Variants in SGCZ observed in about 807,000 individuals in gnomAD.
SGCZ encodes the protein sarcoglycan zeta.
In SGCZ, 40 loss-of-function variants were observed where a neutral mutation model predicts 41.3. The observed-to-expected ratio is 0.97, with a 90% CI of 0.75 to 1.26. The LOEUF is 1.26. SGCZ is among the 50% of genes most tolerant of loss of function. The pLI, the probability that SGCZ is intolerant of heterozygous loss-of-function variation, is 0.00. For missense variants in SGCZ, 552 were observed against 369.8 expected (o/e 1.49, Z -4.04); for synonymous variants, 206 against 137.5 (o/e 1.50, Z -3.49).
chr8:15,231,885 GT>G (rs1324502986), intron 1 of SGCZ, among the ~76,000 whole-genome samples: 1 of 152,120 alleles, frequency 6.6e-6, no homozygotes, highest in African/African-American at 2.4e-5. Context: ...GCCTTCCAAA[GT>G]GTTGGGATTA....
chr8:14,963,845 GT>G (rs1262878819), intron 1 of SGCZ, among the ~76,000 whole-genome samples: 1 of 152,026 alleles, frequency 6.6e-6, no homozygotes, highest in East Asian at 1.9e-4. Flanking sequence ...CAACCCCAAA[GT>G]TTCACGCTTT....
At chr8:14,728,063 A>AT (rs1421521794) in intron 1 of SGCZ, among the ~76,000 whole-genome samples, 2 of 152,198 alleles carry the variant, frequency 1.3e-5, no homozygotes, top group African/African-American at 4.8e-5. Flanking sequence ...ATCTACGGTG[A>AT]TAAAAATCAG....
At position 14,258,164 on chromosome 8, in the gene SGCZ, T is replaced by C. The variant is rs77980972; in HGVS notation, c.337-20485A>G. 7.6e-4 allele frequency among the ~76,000 whole-genome samples: 116 copies of C among 152,304 alleles called. 6 individuals carry two copies. The East Asian group carries it at 0.02, about 27-fold the overall frequency. ...AAGTATTATATGCTAAAAGAGAATATAGATACTAAACAATCAGTTTTATAT... is the reference window on the plus strand; with the variant it reads ...AAGTATTATATGCTAAAAGAGAATACAGATACTAAACAATCAGTTTTATAT... On this transcript the variant is annotated intron_variant, in intron 3 of 7. Coordinates refer to ENST00000382080, the MANE Select transcript of SGCZ (RefSeq NM_139167.4).
chr8:14,129,435 A>G (rs951517647), intron 5 of SGCZ, among the ~76,000 whole-genome samples: 5 of 151,616 alleles, frequency 3.3e-5, no homozygotes, highest in African/African-American at 1.2e-4. Flanking sequence ...AGACTGAAAA[A>G]TCCATAAACA....
chr8:14,537,215 A>G (rs532446065), intron 2 of SGCZ, among the ~76,000 whole-genome samples: 2 of 152,046 alleles, frequency 1.3e-5, no homozygotes, highest in African/African-American at 2.4e-5. Flanking sequence ...GACTCTCATT[A>G]TAACTAATTT....
intron 1 of SGCZ, among the ~76,000 whole-genome samples, chr8:14,979,091 A>G (rs557674784): frequency 6.6e-6 from 1 of 152,216 alleles, no homozygotes; most frequent in African/African-American, 2.4e-5. Flanking sequence ...GAGCCACCAC[A>G]CTCAGCCAAG....
chr8:14,416,404 A>G (rs1476313525), intron 2 of SGCZ, among the ~76,000 whole-genome samples: 1 of 151,912 alleles, frequency 6.6e-6, no homozygotes, highest in African/African-American at 2.4e-5. Context: ...TATTAGGAGT[A>G]TAAGCAAGAT....
At chr8:15,209,301 A>G (rs1801166055) in intron 1 of SGCZ, among the ~76,000 whole-genome samples, 1 of 152,118 alleles carries the variant, frequency 6.6e-6, no homozygotes, top group African/African-American at 2.4e-5. Flanking sequence ...TGTCGTTAGA[A>G]GAGAATTCTC....
chr8:14,637,393 G>C (rs115544600), intron 1 of SGCZ, among the ~76,000 whole-genome samples: 2 of 151,268 alleles, frequency 1.3e-5, no homozygotes, highest in South Asian at 2.1e-4. Flanking sequence ...GTGATGCTGC[G>C]GTTTGGAGCA....
intron 1 of SGCZ, among the ~76,000 whole-genome samples, chr8:15,022,897 A>T (rs777027464): frequency 7.9e-5 from 12 of 152,216 alleles, no homozygotes; most frequent in Non-Finnish European, 1.8e-4. Flanking sequence ...AGTTTAAGTA[A>T]CGTACGTTTC....
At chr8:15,066,135 C>A (rs1018631930) in intron 1 of SGCZ, among the ~76,000 whole-genome samples, 1 of 151,328 alleles carries the variant, frequency 6.6e-6, no homozygotes, top group African/African-American at 2.4e-5. Context: ...GGTGAAACCC[C>A]GTCTCTACCA....
chr8:14,712,473 C>T (rs1809551982), intron 1 of SGCZ, among the ~76,000 whole-genome samples: 3 of 152,202 alleles, frequency 2.0e-5, no homozygotes, highest in African/African-American at 7.2e-5. Context: ...TTATTCAGGA[C>T]TGTCATTAGC....
chr8:15,124,641 C>T (rs1807610309), intron 1 of SGCZ, among the ~76,000 whole-genome samples: 1 of 152,274 alleles, frequency 6.6e-6, no homozygotes, highest in Non-Finnish European at 1.5e-5. Flanking sequence ...ATCCAAGCTC[C>T]TGATTCTCCT....
intron 1 of SGCZ, among the ~76,000 whole-genome samples, chr8:14,687,946 T>C (rs1370931391): frequency 6.6e-6 from 1 of 152,242 alleles, no homozygotes; most frequent in Non-Finnish European, 1.5e-5. Flanking sequence ...TGATAGACTG[T>C]AATGGTGAGC....
Position 14,551,530 on chromosome 8 carries a change from T to TC in SGCZ, c.234+3201_234+3202insG, listed in dbSNP as rs1803839500. Among the ~76,000 whole-genome samples, 4 of 4,006 alleles carry TC rather than the reference T, an allele frequency of 1.0e-3. 2 individuals are homozygous for TC. Among genetic ancestry groups the TC allele is most frequent in the Non-Finnish European group, 1.8e-3 (4 of 2,206 alleles). 2.6% of individuals were successfully genotyped at this position (4,006 alleles called of 152,430 possible). A position where few individuals can be genotyped will look rare whatever the true frequency, so the allele number is the denominator to read the frequency against. ...TATTATATATATTATATATAATATA[T>TC]ATAATATATATAATATATATAATAT... On this transcript the variant is annotated intron_variant, in intron 2 of 7. Coordinates refer to ENST00000382080, the MANE Select transcript of SGCZ (RefSeq NM_139167.4).
chr8:15,166,478 G>T (rs1431575134), intron 1 of SGCZ, among the ~76,000 whole-genome samples: 1 of 152,020 alleles, frequency 6.6e-6, no homozygotes, highest in African/African-American at 2.4e-5. Context: ...TCCATCTCCT[G>T]ACCTCATGAT....
intron 1 of SGCZ, among the ~76,000 whole-genome samples, chr8:14,911,901 A>G (rs1385656048): frequency 6.6e-6 from 1 of 152,006 alleles, no homozygotes; most frequent in Non-Finnish European, 1.5e-5. Context: ...GTAATATTTT[A>G]TCTCTATACT....
At chr8:14,423,686 T>A (rs956956255) in intron 2 of SGCZ, among the ~76,000 whole-genome samples, 3 of 152,218 alleles carry the variant, frequency 2.0e-5, no homozygotes, top group Non-Finnish European at 4.4e-5. Context: ...AGTGCTGGTA[T>A]TACAGGCGTA....
chr8:14,780,268 G>C (rs7843005), intron 1 of SGCZ, among the ~76,000 whole-genome samples: 2 of 151,336 alleles, frequency 1.3e-5, no homozygotes, highest in African/African-American at 2.4e-5. Flanking sequence ...CCAGCTACTC[G>C]GGAGGCTGAG....
Sources: allele counts gnomAD v4.1 joint callset (sites outside exome capture counted in the v4.1 genomes callset), GRCh38; gene constraint gnomAD v4.1.1; transcripts MANE v1.5; gene names NCBI Gene and HGNC (gene_info 2026-07-23, HGNC 2026-07-21).